Variants in UBR4 observed in about 807,000 individuals in gnomAD.
The protein encoded by UBR4 is ubiquitin protein ligase E3 component n-recognin 4, also known as E3 ubiquitin-protein ligase UBR4.
A neutral mutation model predicts 575.6 loss-of-function variants in UBR4; 124 were observed. The ratio of observed to expected loss-of-function variants is 0.22; its 90% CI spans 0.19 to 0.25. The LOEUF is 0.25. UBR4 is among the 10% of genes least tolerant of loss of function. UBR4 has a pLI of 1.00. For missense variants in UBR4, 4,818 were observed against 6,478.8 expected, an observed-to-expected ratio of 0.74 and a Z score of 8.80; for synonymous variants, 2,455 against 2,473.7, an observed-to-expected ratio of 0.99 and a Z score of 0.22.
intron 97 of UBR4, among the ~76,000 whole-genome samples, chr1:19,091,178 C>G (rs2077478824): frequency 6.6e-6 from 1 of 151,722 alleles, no homozygotes; most frequent in Non-Finnish European, 1.5e-5. Context: ...CAAATCACAA[C>G]CGTGTTCCTT....
intron 69 of UBR4, 47 bp downstream of exon 69, chr1:19,120,133 C>T: frequency 6.2e-7 from 1 of 1,601,460 alleles, no homozygotes; most frequent in Non-Finnish European, 8.5e-7. Context: ...ATTACGCACC[C>T]TGGCCTCACA....
intron 27 of UBR4, among the ~76,000 whole-genome samples, chr1:19,168,699 T>C (rs547382950): frequency 3.3e-5 from 5 of 152,122 alleles, no homozygotes; most frequent in Non-Finnish European, 7.4e-5. Context: ...TAGTATTGGC[T>C]GGGCATGGTG....
chr1:19,184,105 A>G lies in UBR4; in HGVS notation c.2009T>C (p.Ile670Thr). Residue 670 changes from isoleucine to threonine, a missense_variant, in exon 16 of 106, where the codon ATC (isoleucine) becomes ACC (threonine). By Grantham distance (89) the Ile-to-Thr change is moderately conservative. Around this residue, in one of 29 missense-constraint regions of UBR4, gnomAD observed 1,172 missense variants for 1,259.7 expected, o/e 0.93. Coordinates refer to ENST00000375254, the MANE Select transcript of UBR4 (RefSeq NM_020765.3). ...AAGAGATACACTCAGATAGTTTCGGATAAAATTGTTCCGAGAGTTCAGCAT... is the reference window on the plus strand; with the variant it reads ...AAGAGATACACTCAGATAGTTTCGGGTAAAATTGTTCCGAGAGTTCAGCAT... ...SSMLNSRNNF[I>T]RNYLSVSLSE... 6.2e-7 allele frequency: 1 copy of G among 1,614,188 alleles called. No individual in the cohort carries two copies. The highest frequency in any genetic ancestry group is 2.2e-5 in the East Asian group (1 of 44,876).
Position 19,139,162 on chromosome 1 carries a change from G to C in UBR4, c.8652C>G (p.Thr2884=). ...CACTACCACCGTGGTCAGCAGGAGA[G>C]GTCCGAAGGGTAGAACCATCTGTCG... ...TAATDGSTLR[T]SPADHGGSVG... Residue 2884 remains threonine (T), a synonymous_variant, in exon 59 of 106, where the codon ACC becomes ACG. Coordinates refer to ENST00000375254, the MANE Select transcript of UBR4 (RefSeq NM_020765.3). This position sits in a 1 kb window ranked among gnomAD's most constrained non-coding sequence, Gnocchi z 4.2. The C allele has an allele frequency of 6.2e-7, 1 of 1,614,030 alleles. No homozygotes were observed. Among genetic ancestry groups the C allele is most frequent in the Non-Finnish European group, 8.5e-7 (1 of 1,179,964 alleles).
Position 19,177,622 on chromosome 1 carries a change from G to A in UBR4, c.2476C>T (p.Arg826Trp), listed in dbSNP as rs1477290047. The A allele has an allele frequency of 3.7e-6, 6 of 1,613,894 alleles. No individual in the cohort carries two copies. The highest frequency in any genetic ancestry group is 3.3e-5 in the South Asian group (3 of 91,062). Residue 826 changes from arginine to tryptophan, a missense_variant, in exon 19 of 106, where the codon CGG becomes TGG. Arg to Trp is a moderately radical substitution (Grantham distance 101). Transcript: ENST00000375254. ...ACAAAAAGCGACAATATGGCCCGCC[G>A]GCCTGTCTCGGTGAAATTGTGGAAA... ...LIFHNFTETGRRAILSLFVQI... is the reference protein window; with the variant it reads ...LIFHNFTETGWRAILSLFVQI...
chr1:19,101,062 T>C (rs191426149), intron 88 of UBR4, among the ~76,000 whole-genome samples: 314 of 152,130 alleles, frequency 2.1e-3, no homozygotes, highest in Non-Finnish European at 2.4e-3. Context: ...CTTTCCTCAA[T>C]AGCAGGAAGG....
rs574014216 is a variant in UBR4, at chr1:19,157,135, G to A, written c.5761-210C>T. 9.8e-4 allele frequency among the ~76,000 whole-genome samples: 150 copies of A among 152,332 alleles called. No individual in the cohort carries two copies. Among genetic ancestry groups the A allele is most frequent in the African/African-American group, 3.1e-3 (129 of 41,570 alleles). On this transcript the variant is annotated intron_variant, in intron 40 of 105. Coordinates refer to ENST00000375254, the MANE Select transcript of UBR4 (RefSeq NM_020765.3). This position sits in a 1 kb window ranked among gnomAD's most constrained non-coding sequence, Gnocchi z 4.4. Reference sequence around the variant, plus strand: ...TTTCCATGGAGGACAGAACAGGTAAGTAATGAAAACAATTTCTCTTTATAT... The same window carrying A: ...TTTCCATGGAGGACAGAACAGGTAAATAATGAAAACAATTTCTCTTTATAT...
chr1:19,177,347 C>A, intron 19 of UBR4, 114 bp downstream of exon 19: 1 of 1,395,722 alleles, frequency 7.2e-7, no homozygotes. Flanking sequence ...CATCAACCTA[C>A]CAAAACCTAA....
chr1:19,164,033 C>T (rs2087861254), intron 33 of UBR4, among the ~76,000 whole-genome samples: 1 of 152,048 alleles, frequency 6.6e-6, no homozygotes, highest in Non-Finnish European at 1.5e-5. Context: ...CATACTTTCC[C>T]CAAGAATTAT....
At chr1:19,130,768 T>A (rs1418697900) in intron 60 of UBR4, among the ~76,000 whole-genome samples, 1 of 152,178 alleles carries the variant, frequency 6.6e-6, no homozygotes, top group Admixed American at 6.5e-5. Context: ...GACGGCTTTG[T>A]TTTGAGATGG....
intron 87 of UBR4, 49 bp downstream of exon 87, chr1:19,104,035 G>A: frequency 6.3e-7 from 1 of 1,587,282 alleles, no homozygotes; most frequent in East Asian, 2.3e-5. Flanking sequence ...CACCTCGGCA[G>A]CCCCAGAAGG....
chr1:19,170,897 A>C lies in UBR4; in HGVS notation c.3522-14T>G. ...AGCAAATAGGCTCTGGGGAAAAAAC[A>C]GGGGGAAAGTGAAGCCATAAGATTC... On this transcript the variant is annotated splice_polypyrimidine_tract_variant and intron_variant, in intron 25 of 105. Transcript: ENST00000375254. 1 of 1,612,910 alleles carries C rather than the reference A, an allele frequency of 6.2e-7. No homozygotes were observed. The highest frequency in any genetic ancestry group is 2.2e-5 in the East Asian group (1 of 44,888).
intron 60 of UBR4, among the ~76,000 whole-genome samples, chr1:19,131,430 T>TG (rs1214149377): frequency 6.6e-6 from 1 of 152,124 alleles, no homozygotes; most frequent in Non-Finnish European, 1.5e-5. Context: ...AACTTATTCA[T>TG]GAAAAAAGGT....
Position 19,183,384 on chromosome 1 carries a change from G to A in UBR4, c.2184+427C>T, listed in dbSNP as rs147906597. 1.6e-4 allele frequency among the ~76,000 whole-genome samples: 25 copies of A among 152,162 alleles called. No individual in the cohort carries two copies. The East Asian group carries it at 4.1e-3, about 25-fold the overall frequency. On this transcript the variant is annotated intron_variant, in intron 17 of 105. Transcript: ENST00000375254. ...GGACATATTAGAATCACCTCTCAAC[G>A]CTCTTTCCAGGGAGGGGATTTAATG... is the stretch of plus-strand genomic sequence containing the variant.
At chr1:19,188,468 C>G (rs2151342047) in intron 11 of UBR4, among the ~76,000 whole-genome samples, 1 of 152,282 alleles carries the variant, frequency 6.6e-6, no homozygotes, top group African/African-American at 2.4e-5. Flanking sequence ...GCAGAAGGAT[C>G]ACTTGAGCCC....
intron 75 of UBR4, 90 bp downstream of exon 75, chr1:19,114,721 C>T (rs2080293091): frequency 8.5e-6 from 13 of 1,521,890 alleles, no homozygotes; most frequent in Non-Finnish European, 1.1e-5. Flanking sequence ...AAGGCTTAGG[C>T]TAGAAAGTAA....
chr1:19,143,251 G>GA (rs2084263393), intron 55 of UBR4, among the ~76,000 whole-genome samples: 4 of 97,918 alleles, frequency 4.1e-5, no homozygotes, highest in Non-Finnish European at 6.6e-5. Flanking sequence ...AGGAAGGAAG[G>GA]AAGGAAGGAA....
intron 11 of UBR4, among the ~76,000 whole-genome samples, chr1:19,188,022 AC>A (rs1432193225): frequency 1.4e-5 from 2 of 141,304 alleles, no homozygotes; most frequent in Admixed American, 1.5e-4. Context: ...TTGTCTCAAA[AC>A]AAAAAATTAA....
chr1:19,197,327 T>A lies in UBR4; in HGVS notation c.894-62A>T. ...ATCATTCACTTCTATAATGTGACAG[T>A]TAAAGAAATTATCAGCATGGGCCCG... On this transcript the variant is annotated intron_variant, in intron 7 of 105. Coordinates refer to ENST00000375254, the MANE Select transcript of UBR4 (RefSeq NM_020765.3). 4 of 1,606,430 alleles carry A rather than the reference T, an allele frequency of 2.5e-6. No individual in the cohort carries two copies. In the Middle Eastern group the frequency reaches 5.0e-4, roughly 200 times the overall value.
Sources: allele counts gnomAD v4.1 joint callset (sites outside exome capture counted in the v4.1 genomes callset), GRCh38; gene constraint gnomAD v4.1.1; regional missense constraint gnomAD v4.1.1; non-coding constraint Gnocchi (gnomAD v3.1); transcripts MANE v1.5; gene names NCBI Gene and HGNC (gene_info 2026-07-23, HGNC 2026-07-21).